NUF2: variants seen among roughly 807,000 people sequenced by gnomAD.
The protein encoded by NUF2 is NUF2 component of NDC80 kinetochore complex.
In NUF2, 34 loss-of-function variants were observed where a neutral mutation model predicts 61.8. The ratio of observed to expected loss-of-function variants is 0.55; its 90% confidence interval spans 0.42 to 0.73. The LOEUF is 0.73. NUF2 is among the 30% of genes least tolerant of loss of function. The probability of loss-of-function intolerance (pLI) is 0.00; values close to 1 mark genes in which losing one functional copy is unlikely to be tolerated. For synonymous variants in NUF2, 172 were observed against 181.6 expected, an observed-to-expected ratio of 0.95 and a Z score of 0.42; for missense variants, 445 against 539.1, an observed-to-expected ratio of 0.83 and a Z score of 1.73.
intron 12 of NUF2, 64 bp downstream of exon 12, chr1:163,348,002 C>T: frequency 8.2e-7 from 1 of 1,214,600 alleles, no homozygotes; most frequent in Non-Finnish European, 1.1e-6. Context: ...TACATTTTTC[C>T]CCCAGGATTT....
At chr1:163,323,700 G>A (rs1466756410) in intron 1 of NUF2, among the ~76,000 whole-genome samples, 2 of 151,950 alleles carry the variant, frequency 1.3e-5, no homozygotes. Context: ...CAGCCTGGAT[G>A]ACAAACTGAG....
intron 5 of NUF2, among the ~76,000 whole-genome samples, chr1:163,334,598 A>T (rs1208659674): frequency 1.3e-5 from 2 of 152,144 alleles, no homozygotes; most frequent in Non-Finnish European, 2.9e-5. Context: ...CAATATAGCA[A>T]GATCCTTTTT....
chr1:163,327,848 C>T, intron 3 of NUF2: 2 of 393,504 alleles, frequency 5.1e-6, no homozygotes, highest in Non-Finnish European at 4.5e-6. Context: ...GGTTTGTTTT[C>T]AGAGACTACA....
chr1:163,340,254 C>A, intron 8 of NUF2, 110 bp from the exon 9 acceptor site: 1 of 776,898 alleles, frequency 1.3e-6, no homozygotes, highest in Non-Finnish European at 2.2e-6. Context: ...TGAAGAATAT[C>A]TGATCTAACA....
At chr1:163,347,703 C>A in intron 11 of NUF2, 60 bp from the exon 12 acceptor site, 1 of 1,094,058 alleles carries the variant, frequency 9.1e-7, no homozygotes, top group Non-Finnish European at 1.3e-6. Context: ...AATATTCTTT[C>A]ATTTTATTTC....
intron 10 of NUF2, among the ~76,000 whole-genome samples, chr1:163,345,032 T>C (rs905332278): frequency 6.6e-6 from 1 of 152,024 alleles, no homozygotes; most frequent in African/African-American, 2.4e-5. Flanking sequence ...GAAATTAAGA[T>C]TGGAAACAGA....
At chr1:163,334,208 C>T (rs1017914741) in intron 5 of NUF2, among the ~76,000 whole-genome samples, 14 of 152,104 alleles carry the variant, frequency 9.2e-5, no homozygotes, top group African/African-American at 3.4e-4. Context: ...TTTTAAAATC[C>T]AATCCTCCAC....
intron 1 of NUF2, among the ~76,000 whole-genome samples, chr1:163,324,407 G>C (rs1405815243): frequency 6.6e-6 from 1 of 152,190 alleles, no homozygotes; most frequent in African/African-American, 2.4e-5. Context: ...GTTGTCACAT[G>C]TTCAAGTTGA....
chr1:163,327,049 A>T (rs1033098602), intron 2 of NUF2, among the ~76,000 whole-genome samples: 3 of 151,514 alleles, frequency 2.0e-5, no homozygotes, highest in Non-Finnish European at 2.9e-5. Context: ...TTAAACTTCA[A>T]ATCTAAGGAA....
At chr1:163,346,889 T>C (rs1651153938) in intron 11 of NUF2, among the ~76,000 whole-genome samples, 1 of 151,792 alleles carries the variant, frequency 6.6e-6, no homozygotes, top group Non-Finnish European at 1.5e-5. Flanking sequence ...TGGAATGGAG[T>C]AGGATGGCGC....
Position 163,355,503 on chromosome 1 carries a change from T to G in NUF2, c.*34T>G. 1 of 1,554,336 alleles carries G rather than the reference T, an allele frequency of 6.4e-7. No individual in the cohort carries two copies. Among genetic ancestry groups the G allele is most frequent in the East Asian group, 2.3e-5 (1 of 43,344 alleles). On this transcript the variant is annotated 3_prime_UTR_variant, in exon 14 of 14. Transcript: ENST00000271452. The stretch of plus-strand genomic sequence containing the variant: ...ATTACATGTCTTTTTGTAAATGGCT[T>G]GCCATCTTTTAATTTTCTATTTAGA...
intron 10 of NUF2, 107 bp from the exon 11 acceptor site, chr1:163,345,571 G>A (rs1007519687): frequency 1.1e-6 from 1 of 940,304 alleles, no homozygotes; most frequent in Admixed American, 2.5e-5. Flanking sequence ...TGCTCTTAAG[G>A]TTTCAGTATT....
chr1:163,339,604 C>T (rs1650874678), intron 8 of NUF2, 127 bp downstream of exon 8: 2 of 609,422 alleles, frequency 3.3e-6, no homozygotes, highest in Non-Finnish European at 5.8e-6. Context: ...ATTTCTGTGC[C>T]CATTTGTGCC....
At chr1:163,344,425 G>C (rs1267307828) in intron 10 of NUF2, among the ~76,000 whole-genome samples, 1 of 150,950 alleles carries the variant, frequency 6.6e-6, no homozygotes, top group African/African-American at 2.4e-5. Context: ...GTGGAAGAGG[G>C]AAGGAAGAAT....
chr1:163,328,255 C>T lies in NUF2; in HGVS notation c.226C>T (p.Pro76Ser). 1 of 1,607,732 alleles carries T rather than the reference C, an allele frequency of 6.2e-7. No individual in the cohort carries two copies. The highest frequency in any genetic ancestry group is 2.2e-5 in the East Asian group (1 of 44,604). Residue 76 changes from proline to serine, a missense_variant, in exon 4 of 14, where the codon CCA becomes TCA. Physicochemically the swap from Pro to Ser is moderately conservative, Grantham distance 74 (BLOSUM62 -1). Coordinates refer to ENST00000271452, the MANE Select transcript of NUF2 (RefSeq NM_145697.3). ...GCCAGTGAACTCTGAAGTCATGTAT[C>T]CACATTTAATGGAAGGCTTCTTACC... ...MMPVNSEVMY[P>S]HLMEGFLPFS...
intron 11 of NUF2, chr1:163,346,336 A>G (rs1357632018): frequency 6.6e-6 from 1 of 152,196 alleles, no homozygotes; most frequent in Admixed American, 6.5e-5. Context: ...ACTAAAATCA[A>G]TAAGTTTAGT....
chr1:163,336,938 A>C, intron 6 of NUF2, 90 bp downstream of exon 6: 5 of 818,590 alleles, frequency 6.1e-6, no homozygotes, highest in Non-Finnish European at 2.0e-6. Context: ...TGTCATAGAC[A>C]GCAAATTGCT....
At chr1:163,327,953 G>T (rs905166365) in intron 3 of NUF2, 6 of 381,018 alleles carry the variant, frequency 1.6e-5, no homozygotes, top group Admixed American at 4.4e-5. Flanking sequence ...CAATTGAAAT[G>T]AGGCAACTGA....
chr1:163,345,387 A>G (rs1651089999), intron 10 of NUF2, among the ~76,000 whole-genome samples: 4 of 152,218 alleles, frequency 2.6e-5, no homozygotes, highest in Admixed American at 6.5e-5. Context: ...TATTAGCAAA[A>G]TAAACTATTT....
Sources: gnomAD v4.1 joint callset for allele counts (sites outside exome capture counted in the v4.1 genomes callset) on GRCh38, gnomAD v4.1.1 for gene constraint, MANE v1.5 for transcripts, NCBI Gene and HGNC (gene_info 2026-07-23, HGNC 2026-07-21) for gene names.